The following LY86 variants were observed in gnomAD, a reference collection of about 807,000 sequenced individuals.
LY86 encodes MD-1, RP105-associated.
Under a neutral mutation model 17.3 loss-of-function variants are expected in LY86, and 20 were observed. That is an observed-to-expected ratio of 1.15 (90% confidence interval 0.81 to 1.68). The LOEUF is 1.68. Ranked by LOEUF, LY86 falls within the 40% of genes most tolerant of loss-of-function variation. LY86 has a pLI of 0.00. For missense variants in LY86, 200 were observed against 191.9 expected (o/e 1.04, Z -0.25); for synonymous variants, 74 against 70.6 (o/e 1.05, Z -0.24).
chr6:6,597,001 T>G (rs1760735526), intron 1 of LY86, among the ~76,000 whole-genome samples: 1 of 152,204 alleles, frequency 6.6e-6, no homozygotes, highest in Admixed American at 6.5e-5. Context: ...GGCAAAATCT[T>G]AATGGGCAGC....
chr6:6,622,578 AG>A (rs1221492790), intron 1 of LY86: 1 of 152,258 alleles, frequency 6.6e-6, no homozygotes, highest in Non-Finnish European at 1.5e-5. Context: ...TCCCACCCTT[AG>A]GAAAATTAGT....
At chr6:6,606,801 C>T (rs1761173535) in intron 1 of LY86, among the ~76,000 whole-genome samples, 1 of 152,372 alleles carries the variant, frequency 6.6e-6, no homozygotes, top group African/African-American at 2.4e-5. Context: ...CCCGCTTACG[C>T]CTCTCCCTCC....
chr6:6,639,706 A>C (rs1260488666), intron 3 of LY86, among the ~76,000 whole-genome samples: 2 of 152,148 alleles, frequency 1.3e-5, no homozygotes, highest in Non-Finnish European at 2.9e-5. Context: ...TGGGCCACAC[A>C]GGGTAATCTA....
intron 1 of LY86, among the ~76,000 whole-genome samples, chr6:6,597,744 C>T (rs182403521): frequency 6.6e-6 from 1 of 152,344 alleles, no homozygotes. Flanking sequence ...TGCTCCCTGC[C>T]CTCAGCAGAA....
rs116667573 is a variant in LY86 at position 6,612,731 on chromosome 6, A to T, written c.137-12195A>T. On this transcript the variant is annotated intron_variant, in intron 1 of 4. Transcript: ENST00000230568. ...TTACAATCCCTGAGCTAGATGCAAA[A>T]GTTCTCCAGTTCCCCACTAGATTAG... is the stretch of plus-strand genomic sequence containing the variant. 3.2e-3 allele frequency among the ~76,000 whole-genome samples: 494 copies of T among 152,284 alleles called. 1 individual carries two copies. Among genetic ancestry groups the T allele is most frequent in the African/African-American group, 0.011 (476 of 41,560 alleles).
At chr6:6,604,505 C>A (rs1281644364) in intron 1 of LY86, among the ~76,000 whole-genome samples, 1 of 151,876 alleles carries the variant, frequency 6.6e-6, no homozygotes, top group Non-Finnish European at 1.5e-5. Context: ...AACTGATGGA[C>A]TGGATGAAAG....
At chr6:6,648,074 C>A (rs1280567048) in intron 3 of LY86, among the ~76,000 whole-genome samples, 2 of 151,602 alleles carry the variant, frequency 1.3e-5, no homozygotes, top group African/African-American at 4.9e-5. Flanking sequence ...ATGCTCAAAC[C>A]AAAATCTTCC....
At position 6,624,938 on chromosome 6, in the gene LY86, A is replaced by T. The variant is rs1259311989; in HGVS notation, c.149A>T (p.Asp50Val). The T allele has an allele frequency of 1.3e-6, 2 of 1,547,370 alleles. No homozygotes were observed. The highest frequency in any genetic ancestry group is 1.8e-6 in the Non-Finnish European group (2 of 1,126,942). The change falls in exon 2 of 5, where the codon GAT becomes GTT. Residue 50 changes from aspartate (D) to valine (V), a missense_variant. Coordinates refer to ENST00000230568, the MANE Select transcript of LY86 (RefSeq NM_004271.4). Reference sequence around the variant, plus strand: ...TTCTTCTTCGTAGATCCATTACAAGATTTTGGCTTTTCTGTTGAAAAGTGT... The same window carrying T: ...TTCTTCTTCGTAGATCCATTACAAGTTTTTGGCTTTTCTGTTGAAAAGTGT... The part of the protein sequence containing the change: ...VLYQSCDPLQ[D>V]FGFSVEKCSK...
chr6:6,621,052 C>G (rs1761661433), intron 1 of LY86: 1 of 152,206 alleles, frequency 6.6e-6, no homozygotes, highest in African/African-American at 2.4e-5. Context: ...GCTGTCCTCC[C>G]TTGGGTGGAA....
intron 1 of LY86, among the ~76,000 whole-genome samples, chr6:6,612,721 T>C (rs564696832): frequency 6.6e-6 from 1 of 152,326 alleles, no homozygotes; most frequent in East Asian, 1.9e-4. Context: ...ATCCCTGAGC[T>C]AGATGCAAAA....
chr6:6,651,347 C>T (rs1281501012), intron 4 of LY86, among the ~76,000 whole-genome samples: 1 of 152,222 alleles, frequency 6.6e-6, no homozygotes, highest in Non-Finnish European at 1.5e-5. Flanking sequence ...TTCCCAGCCT[C>T]TGTGTTCCTA....
Position 6,588,844 on chromosome 6 carries a change from GC to G in LY86, c.111del (p.Leu38TrpfsTer25). ...ACACACGTGGTCTGTAGCGACAGCG[GC>G]TTGGAAGTGCTCTACCAGAGTTGCG... is the stretch of plus-strand genomic sequence containing the variant. ...WPTHVVCSDS[G>X]LEVLYQSCDP... On this transcript the variant is annotated frameshift_variant, in exon 1 of 5. Coordinates refer to ENST00000230568, the MANE Select transcript of LY86 (RefSeq NM_004271.4). LOFTEE classifies it high-confidence loss of function. 6.2e-7 allele frequency: 1 copy of G among 1,614,088 alleles called. No individual in the cohort carries two copies.
rs560589302 is a variant in LY86, at chr6:6,605,910, G to T, written c.136+17040G>T. 4.9e-4 allele frequency among the ~76,000 whole-genome samples: 74 copies of T among 152,264 alleles called. 1 individual carries two copies. The Middle Eastern group carries it at 0.01, about 21-fold the overall frequency. ...TGGGTTCTTAGTCTCGCTGGCTTCA[G>T]GAATGAAGCTGCAGACCTTCACAGT... is the stretch of plus-strand genomic sequence containing the variant. On this transcript the variant is annotated intron_variant, in intron 1 of 4. Transcript: ENST00000230568.
chr6:6,599,088 A>G (rs536468456), intron 1 of LY86, among the ~76,000 whole-genome samples: 1 of 152,340 alleles, frequency 6.6e-6, no homozygotes, highest in Non-Finnish European at 1.5e-5. Context: ...ACAAAGATAG[A>G]AAAAACTGCA....
At chr6:6,639,322 T>C (rs1470613753) in intron 3 of LY86, among the ~76,000 whole-genome samples, 3 of 151,822 alleles carry the variant, frequency 2.0e-5, no homozygotes, top group Non-Finnish European at 3.0e-5. Context: ...TGAGCACAAA[T>C]ACAAACAAGC....
chr6:6,642,516 C>T (rs1418536658), intron 3 of LY86, among the ~76,000 whole-genome samples: 2 of 152,214 alleles, frequency 1.3e-5, no homozygotes, highest in Non-Finnish European at 2.9e-5. Flanking sequence ...TCCATGGAAA[C>T]CTGAAGAAAC....
At position 6,654,609 on chromosome 6, in the gene LY86, T is replaced by G. The variant is rs750702141; in HGVS notation, c.471T>G (p.Ala157=). 6.2e-7 allele frequency: 1 copy of G among 1,614,184 alleles called. No individual in the cohort carries two copies. The highest frequency in any genetic ancestry group is 8.5e-7 in the Non-Finnish European group (1 of 1,180,006). Residue 157 remains alanine (A), a synonymous_variant, in exon 5 of 5, where the codon GCT becomes GCG. Coordinates refer to ENST00000230568, the MANE Select transcript of LY86 (RefSeq NM_004271.4). ...EKRSTVACAN[A]TIMCS is the part of the protein sequence containing the mutation. ...GGTCCACCGTGGCCTGTGCCAATGCTACTATCATGTGCTCCTGACTGTGGC... is the reference window on the plus strand; with the variant it reads ...GGTCCACCGTGGCCTGTGCCAATGCGACTATCATGTGCTCCTGACTGTGGC...
chr6:6,629,915 C>T (rs997016715), intron 3 of LY86, among the ~76,000 whole-genome samples: 1 of 151,966 alleles, frequency 6.6e-6, no homozygotes, highest in African/African-American at 2.4e-5. Flanking sequence ...AAAATGATGC[C>T]GTAGATTACT....
At chr6:6,590,580 C>T (rs1760493685) in intron 1 of LY86, among the ~76,000 whole-genome samples, 2 of 152,160 alleles carry the variant, frequency 1.3e-5, no homozygotes, top group Non-Finnish European at 2.9e-5. Context: ...TCATCCCATA[C>T]AGGGCTCCCA....
Sources: allele counts gnomAD v4.1 joint callset (sites outside exome capture counted in the v4.1 genomes callset), GRCh38; gene constraint gnomAD v4.1.1; transcripts MANE v1.5; gene names NCBI Gene and HGNC (gene_info 2026-07-23, HGNC 2026-07-21).